Variants in SLC28A3 observed in about 807,000 individuals in gnomAD.
The protein encoded by SLC28A3 is solute carrier family 28 member 3.
SLC28A3 carries 68 observed loss-of-function variants against 84.2 expected under a neutral mutation model. The observed-to-expected ratio is 0.81, with a 90% CI of 0.66 to 0.99. SLC28A3 has a LOEUF of 0.99. SLC28A3 is among the 50% of genes least tolerant of loss of function. The pLI is 0.00. For synonymous variants in SLC28A3, 267 were observed against 303.6 expected (o/e 0.88, Z 1.25); for missense variants, 712 against 841.5 (o/e 0.85, Z 1.90).
chr9:84,328,306 C>G (rs1483002917), intron 1 of SLC28A3, among the ~76,000 whole-genome samples: 2 of 150,974 alleles, frequency 1.3e-5, no homozygotes, highest in African/African-American at 4.9e-5. Flanking sequence ...TTTTAAAAAC[C>G]CATGATCTGA....
At chr9:84,340,425 A>G in intron 1 of SLC28A3, 149 bp downstream of exon 1, 1 of 790,890 alleles carries the variant, frequency 1.3e-6, no homozygotes, top group South Asian at 1.7e-5. Context: ...GAAGAGCCCA[A>G]GAAGAAAAAA....
upstream of SLC28A3, among the ~76,000 whole-genome samples, chr9:84,344,728 G>T (rs1466171235): frequency 6.6e-6 from 1 of 151,988 alleles, no homozygotes; most frequent in Non-Finnish European, 1.5e-5. Flanking sequence ...TGAATCCCAG[G>T]TCTTGAGACA....
chr9:84,278,225 GTA>G lies in SLC28A3; in HGVS notation c.2067_2068del (p.Thr690IlefsTer12). The G allele has an allele frequency of 6.2e-7, 1 of 1,613,798 alleles. No individual in the cohort carries two copies. The highest frequency in any genetic ancestry group is 1.3e-5 in the African/African-American group (1 of 74,944). ...CTGGAGAAGTGGCTGACCTCAAAAT[GTA>G]TTAGAGATCCCATTGCAGTTAAAGG... On this transcript the variant is annotated frameshift_variant, in exon 18 of 18. Coordinates refer to ENST00000376238, the MANE Select transcript of SLC28A3 (RefSeq NM_001199633.2). LOFTEE classifies it high-confidence loss of function.
At chr9:84,302,600 A>G (rs1825673700) in intron 4 of SLC28A3, among the ~76,000 whole-genome samples, 1 of 152,178 alleles carries the variant, frequency 6.6e-6, no homozygotes, top group Non-Finnish European at 1.5e-5. Flanking sequence ...CATGAATGCT[A>G]GGAGGACAGG....
At chr9:84,311,271 A>C (rs1266440611) in intron 2 of SLC28A3, among the ~76,000 whole-genome samples, 1 of 152,202 alleles carries the variant, frequency 6.6e-6, no homozygotes, top group Admixed American at 6.5e-5. Context: ...TTATGAAAAA[A>C]ATATTTTAAA....
the SLC28A3 span, among the ~76,000 whole-genome samples, chr9:84,367,966 C>G: frequency 1.3e-5 from 2 of 152,146 alleles, no homozygotes; most frequent in Non-Finnish European, 2.9e-5. Flanking sequence ...CCTCTTATCT[C>G]AACCGCAAAG....
intron 15 of SLC28A3, among the ~76,000 whole-genome samples, chr9:84,280,406 T>C (rs1362318567): frequency 6.6e-6 from 1 of 152,170 alleles, no homozygotes; most frequent in East Asian, 1.9e-4. Context: ...ACTAAGGAGA[T>C]GATGTGCAAC....
At chr9:84,301,369 A>AAAAAAG (rs1554725713) in intron 5 of SLC28A3, among the ~76,000 whole-genome samples, 4,353 of 131,596 alleles carry the variant, frequency 0.033, 93 homozygotes, top group East Asian at 0.072. Context: ...AAAAAAAAAA[A>AAAAAAG]AAAAAGAAAA....
intron 14 of SLC28A3, among the ~76,000 whole-genome samples, chr9:84,284,061 C>G (rs1376206429): frequency 6.6e-6 from 1 of 152,198 alleles, no homozygotes; most frequent in Non-Finnish European, 1.5e-5. Flanking sequence ...TCTCTACCCT[C>G]GTAATAACCT....
Position 84,292,672 on chromosome 9 carries a change from C to A in SLC28A3, c.1019G>T (p.Gly340Val). The change falls in exon 10 of 18, where the codon GGA becomes GTA. Residue 340 changes from glycine (G) to valine (V), a missense_variant. By Grantham distance (109) the Gly-to-Val change is moderately radical. Coordinates refer to ENST00000376238, the MANE Select transcript of SLC28A3 (RefSeq NM_001199633.2). Reference protein sequence around the residue: ...SVVASGNIFVGQTESPLLVRP... With the variant: ...SVVASGNIFVVQTESPLLVRP... ...TCTGTTGATATTACAACTTACTTGT[C>A]CAACAAATATATTGCCAGAAGCAAC... 6.2e-7 allele frequency: 1 copy of A among 1,608,610 alleles called. No individual in the cohort carries two copies. Among genetic ancestry groups the A allele is most frequent in the Non-Finnish European group, 8.5e-7 (1 of 1,177,738 alleles).
chr9:84,279,251 C>G lies in SLC28A3; in HGVS notation c.1949+14G>C, dbSNP rs1434844070. On this transcript the variant is annotated intron_variant, in intron 17 of 17. Transcript: ENST00000376238. ...TAATGGAGTATAAAGAAATTATAAT[C>G]AAGAATACAATACCTGCTCAACAGA... 6.3e-7 allele frequency: 1 copy of G among 1,585,078 alleles called. No individual in the cohort carries two copies. The highest frequency in any genetic ancestry group is 8.6e-7 in the Non-Finnish European group (1 of 1,167,046).
Position 84,280,034 on chromosome 9 carries a change from C to T in SLC28A3, c.1769G>A (p.Gly590Glu), listed in dbSNP as rs146932624. The change falls in exon 16 of 18, where the codon GGG becomes GAG. Residue 590 changes from glycine to glutamate, a missense_variant. By Grantham distance (98) the Gly-to-Glu change is moderately conservative. Transcript: ENST00000376238. Reference sequence around the variant, plus strand: ...CCCCGCAATCAGAGCTCTCACTGCCCCCGAGGCGATATCACGCTTTCTGGA... The same window carrying T: ...CCCCGCAATCAGAGCTCTCACTGCCTCCGAGGCGATATCACGCTTTCTGGA... Reference protein sequence around the residue: ...APSRKRDIASGAVRALIAGTV... With the variant: ...APSRKRDIASEAVRALIAGTV... 8.1e-6 allele frequency: 13 copies of T among 1,613,976 alleles called. No individual in the cohort carries two copies. The African/African-American group carries it at 9.3e-5, about 12-fold the overall frequency.
intron 1 of SLC28A3, among the ~76,000 whole-genome samples, chr9:84,339,497 G>A (rs1329457049): frequency 6.6e-6 from 1 of 152,084 alleles, no homozygotes; most frequent in Non-Finnish European, 1.5e-5. Context: ...TGATCAGCCC[G>A]CCTCAGCCTC....
chr9:84,306,130 T>C (rs1350361066), intron 3 of SLC28A3, among the ~76,000 whole-genome samples: 1 of 152,168 alleles, frequency 6.6e-6, no homozygotes, highest in Admixed American at 6.5e-5. Flanking sequence ...TCCTGTGTGA[T>C]GCCTCTTTCT....
Position 84,285,977 on chromosome 9 carries a change from C to A in SLC28A3, c.1415G>T (p.Gly472Val), listed in dbSNP as rs1824968416. Residue 472 changes from glycine to valine, a missense_variant, in exon 13 of 18, where the codon GGA (glycine) becomes GTA (valine). Physicochemically the swap from Gly to Val is moderately radical, Grantham distance 109 (BLOSUM62 -3). Coordinates refer to ENST00000376238, the MANE Select transcript of SLC28A3 (RefSeq NM_001199633.2). ...CAGCTGTGGGTAGTCAAACATGTTT[C>A]CAAACCAGGACAGGGCTGAATTCAT... is the stretch of plus-strand genomic sequence containing the variant. The part of the protein sequence containing the change: ...SFMNSALSWF[G>V]NMFDYPQLSF... 5 of 1,613,894 alleles carry A rather than the reference C, an allele frequency of 3.1e-6. No individual in the cohort carries two copies. Among genetic ancestry groups the A allele is most frequent in the Non-Finnish European group, 4.2e-6 (5 of 1,179,934 alleles).
rs138158857 is a variant in SLC28A3 at position 84,288,131 on chromosome 9, C to T, written c.1197G>A (p.Ala399=). Reference sequence around the variant, plus strand: ...AAAAGAGTTTAGCAGCAGCCAATGACGCAGGTGCTGACATAACTGACGCTG... The same window carrying T: ...AAAAGAGTTTAGCAGCAGCCAATGATGCAGGTGCTGACATAACTGACGCTG... ...LLTASVMSAP[A]SLAAAKLFWP... The change falls in exon 12 of 18, where the codon GCG becomes GCA. Residue 399 remains alanine, a synonymous_variant. Transcript: ENST00000376238. 1.2e-4 allele frequency: 191 copies of T among 1,614,076 alleles called. No individual in the cohort carries two copies. The African/African-American group carries it at 1.8e-3, about 15-fold the overall frequency.
chr9:84,334,312 A>T (rs1430515103), intron 1 of SLC28A3, among the ~76,000 whole-genome samples: 1 of 152,238 alleles, frequency 6.6e-6, no homozygotes, highest in Non-Finnish European at 1.5e-5. Flanking sequence ...AAAACAAAAA[A>T]AAAGTTTCAA....
the SLC28A3 span, among the ~76,000 whole-genome samples, chr9:84,362,961 A>C: frequency 6.6e-6 from 1 of 152,174 alleles, no homozygotes; most frequent in African/African-American, 2.4e-5. Context: ...AAAAAGATAA[A>C]AATATTTTTG....
intron 1 of SLC28A3, among the ~76,000 whole-genome samples, chr9:84,337,501 CT>C (rs1827022725): frequency 6.6e-6 from 1 of 152,000 alleles, no homozygotes; most frequent in Non-Finnish European, 1.5e-5. Context: ...TGTGTGTGTA[CT>C]TTGTCCTTTC....
Sources: gnomAD v4.1 joint callset for allele counts (sites outside exome capture counted in the v4.1 genomes callset) on GRCh38, gnomAD v4.1.1 for gene constraint, MANE v1.5 for transcripts, NCBI Gene and HGNC (gene_info 2026-07-23, HGNC 2026-07-21) for gene names.